The following ATP1A1 variants were observed in gnomAD, a reference collection of about 807,000 sequenced individuals.
The protein encoded by ATP1A1 is ATPase Na+/K+ transporting subunit alpha 1.
Under a neutral mutation model 114.8 loss-of-function variants are expected in ATP1A1, and 14 were observed. The ratio of observed to expected loss-of-function variants is 0.12; its 90% CI spans 0.08 to 0.19. The LOEUF is 0.19. Ranked by LOEUF, ATP1A1 falls within the 10% of genes least tolerant of loss-of-function variation. The pLI, the probability that ATP1A1 is intolerant of heterozygous loss-of-function variation, is 1.00. For missense variants in ATP1A1, 524 were observed against 1,290.7 expected, an observed-to-expected ratio of 0.41 and a Z score of 9.10; for synonymous variants, 471 against 466.3, an observed-to-expected ratio of 1.01 and a Z score of -0.13.
At chr1:116,382,458 T>G (rs1159134639) in intron 1 of ATP1A1, 1 of 152,212 alleles carries the variant, frequency 6.6e-6, no homozygotes, top group East Asian at 1.9e-4. Context: ...TGCTCCATAA[T>G]GGAGAGAATG....
chr1:116,382,232 T>C (rs1443284291), intron 1 of ATP1A1, among the ~76,000 whole-genome samples: 1 of 152,156 alleles, frequency 6.6e-6, no homozygotes, highest in Non-Finnish European at 1.5e-5. Flanking sequence ...CCTTAGTCAA[T>C]GTCTTTAAAA....
chr1:116,394,285 A>G (rs1347897058), intron 12 of ATP1A1, among the ~76,000 whole-genome samples: 1 of 152,168 alleles, frequency 6.6e-6, no homozygotes, highest in Non-Finnish European at 1.5e-5. Flanking sequence ...TGTCTAATGT[A>G]TTTGGGAAAG....
chr1:116,374,556 C>T lies in ATP1A1; in HGVS notation c.12+1033C>T, dbSNP rs917492814. 9.8e-5 allele frequency among the ~76,000 whole-genome samples: 15 copies of T among 152,328 alleles called. No individual in the cohort carries two copies. The South Asian group carries it at 2.9e-3, about 29-fold the overall frequency. ...GCGGAGCGTGGTGGGAATATCGTCA[C>T]AACGCCGCTGTCCTACATTTCTGTA... On this transcript the variant is annotated intron_variant, in intron 1 of 22. Coordinates refer to ENST00000295598, the MANE Select transcript of ATP1A1 (RefSeq NM_000701.8).
Position 116,396,679 on chromosome 1 carries a change from A to C in ATP1A1, c.1918A>C (p.Thr640Pro), listed in dbSNP as rs1570970680. Residue 640 changes from threonine to proline, a missense_variant, in exon 14 of 23, where the codon ACC becomes CCC. Around this residue, in one of 8 missense-constraint regions of ATP1A1, gnomAD observed 47 missense variants for 79.8 expected, o/e 0.59. Transcript: ENST00000295598. ...GVGIISEGNE[T>P]VEDIAARLNI... ...GGGCATCATCTCAGAAGGCAATGAG[A>C]CCGTGGAAGACATTGCTGCCCGCCT... is the stretch of plus-strand genomic sequence containing the variant. The C allele has an allele frequency of 6.2e-7, 1 of 1,606,736 alleles. No individual in the cohort carries two copies. Among genetic ancestry groups the C allele is most frequent in the Non-Finnish European group, 8.5e-7 (1 of 1,175,956 alleles).
chr1:116,373,840 C>T, intron 1 of ATP1A1: 4 of 1,243,624 alleles, frequency 3.2e-6, no homozygotes, highest in Non-Finnish European at 4.0e-6. Flanking sequence ...GCTTGGGAAG[C>T]CTCGGGGCCG....
rs1435339962 is a variant in ATP1A1, at chr1:116,388,447, G to A, written c.502-191G>A. 1 of 962,098 alleles carries A rather than the reference G, an allele frequency of 1.0e-6. No homozygotes were observed. The highest frequency in any genetic ancestry group is 1.5e-6 in the Non-Finnish European group (1 of 660,890). The allele number at this position is 962,098 out of a possible 1,614,324, so 59.6% of individuals were successfully genotyped here. On this transcript the variant is annotated intron_variant, in intron 5 of 22. Transcript: ENST00000295598. The surrounding 1 kb of genome is among the most constrained non-coding windows in gnomAD (Gnocchi z 5.6). ...CTTTTGAATGTAAACTCTGAATACA[G>A]GCACACCATGTAACAGCAATATCTC...
rs1653055439 is a variant in ATP1A1, at chr1:116,397,778, CTTTGT to C, written c.1974-102_1974-98del. The C allele has an allele frequency of 1.1e-5, 15 of 1,364,754 alleles. No homozygotes were observed. The Middle Eastern group carries it at 2.3e-3, about 206-fold the overall frequency. The allele number at this position is 1,364,754 out of a possible 1,614,324, so 84.5% of individuals were successfully genotyped here. A position where few individuals can be genotyped will look rare whatever the true frequency, so the allele number is the denominator to read the frequency against. On this transcript the variant is annotated intron_variant, in intron 14 of 22. Transcript: ENST00000295598. The surrounding 1 kb of genome is among the most constrained non-coding windows in gnomAD (Gnocchi z 4.2). Reference sequence around the variant, plus strand: ...TTTTATGTGCTGGGGAAAATTCCTTCTTTGTTTTGTTTACAAAGTGATCTGCATAA... The same window carrying C: ...TTTTATGTGCTGGGGAAAATTCCTTCTTTGTTTACAAAGTGATCTGCATAA...
chr1:116,390,536 G>GTTTTTTTTT (rs79640523), intron 9 of ATP1A1, 125 bp downstream of exon 9: 2 of 694,512 alleles, frequency 2.9e-6, no homozygotes, highest in African/African-American at 2.1e-5. Flanking sequence ...TTTCTTTTTT[G>GTTTTTTTTT]TTTTTTTTTT....
Position 116,401,538 on chromosome 1 carries a change from C to T in ATP1A1, c.2850-16C>T. The T allele has an allele frequency of 6.2e-7, 1 of 1,612,876 alleles. No individual in the cohort carries two copies. ...TTTGCACCTTTTAAGTTTTTTCTCC[C>T]CTACTTTGATTTTAGGAACAAGATC... On this transcript the variant is annotated splice_polypyrimidine_tract_variant and intron_variant, in intron 20 of 22. Coordinates refer to ENST00000295598, the MANE Select transcript of ATP1A1 (RefSeq NM_000701.8). This position sits in a 1 kb window ranked among gnomAD's most constrained non-coding sequence, Gnocchi z 4.7.
Position 116,388,502 on chromosome 1 carries a change from G to A in ATP1A1, c.502-136G>A. ...ACTGGCGAGCAAGCTTTTGTAACTT[G>A]TGTAAATAAAAAAGTGAATAATATC... is the stretch of plus-strand genomic sequence containing the variant. On this transcript the variant is annotated intron_variant, in intron 5 of 22. Coordinates refer to ENST00000295598, the MANE Select transcript of ATP1A1 (RefSeq NM_000701.8). The surrounding 1 kb of genome is among the most constrained non-coding windows in gnomAD (Gnocchi z 5.6). The A allele has an allele frequency of 1.6e-6, 2 of 1,274,958 alleles. No individual in the cohort carries two copies. Among genetic ancestry groups the A allele is most frequent in the South Asian group, 1.5e-5 (1 of 66,098 alleles). 79.0% of individuals were successfully genotyped at this position (1,274,958 alleles called of 1,614,324 possible).
intron 21 of ATP1A1, among the ~76,000 whole-genome samples, chr1:116,402,825 C>T (rs1471395392): frequency 1.3e-5 from 2 of 152,216 alleles, no homozygotes; most frequent in Non-Finnish European, 2.9e-5. Flanking sequence ...TCTGGCATTA[C>T]TTGTTGCTTG....
In ATP1A1 at chr1:116,385,023, G is replaced by A. The variant is rs1238987372; in HGVS notation, c.183+181G>A. The stretch of plus-strand genomic sequence containing the variant: ...TTATATGCTACCGTTTCTTTTCCCT[G>A]AAACTTTTTGAAAGTAGATGTTATT... On this transcript the variant is annotated intron_variant, in intron 3 of 22. Coordinates refer to ENST00000295598, the MANE Select transcript of ATP1A1 (RefSeq NM_000701.8). The surrounding 1 kb of genome is among the most constrained non-coding windows in gnomAD (Gnocchi z 4.3). The A allele has an allele frequency of 1.7e-6, 1 of 599,880 alleles. No homozygotes were observed. The highest frequency in any genetic ancestry group is 2.9e-6 in the Non-Finnish European group (1 of 343,248). 37.2% of individuals were successfully genotyped at this position (599,880 alleles called of 1,614,324 possible). A position where few individuals can be genotyped will look rare whatever the true frequency, so the allele number is the denominator to read the frequency against.
Position 116,384,234 on chromosome 1 carries a change from A to C in ATP1A1, c.123+110A>C. The C allele has an allele frequency of 1.0e-5, 9 of 858,262 alleles. No individual in the cohort carries two copies. The highest frequency in any genetic ancestry group is 1.6e-5 in the Non-Finnish European group (9 of 549,046). The allele number at this position is 858,262 out of a possible 1,614,324, so 53.2% of individuals were successfully genotyped here. On this transcript the variant is annotated intron_variant, in intron 2 of 22. Transcript: ENST00000295598. The surrounding 1 kb of genome is among the most constrained non-coding windows in gnomAD (Gnocchi z 5.1). The stretch of plus-strand genomic sequence containing the variant: ...GAACTGCTATATATTAAAAGAGATC[A>C]TAGCAGCTGTACAGATCTCATCTAG...
rs1235600349 is a variant in ATP1A1 at position 116,397,767 on chromosome 1, G to C, written c.1974-121G>C. ...CACTTAATAGCTTTTATGTGCTGGG[G>C]AAAATTCCTTCTTTGTTTTGTTTAC... is the stretch of plus-strand genomic sequence containing the variant. On this transcript the variant is annotated intron_variant, in intron 14 of 22. Coordinates refer to ENST00000295598, the MANE Select transcript of ATP1A1 (RefSeq NM_000701.8). The surrounding 1 kb of genome is among the most constrained non-coding windows in gnomAD (Gnocchi z 4.2). 4.7e-6 allele frequency: 6 copies of C among 1,273,016 alleles called. No homozygotes were observed. The highest frequency in any genetic ancestry group is 1.5e-5 in the South Asian group (1 of 67,970). 78.9% of individuals were successfully genotyped at this position (1,273,016 alleles called of 1,614,324 possible). A position where few individuals can be genotyped will look rare whatever the true frequency, so the allele number is the denominator to read the frequency against.
intron 1 of ATP1A1, among the ~76,000 whole-genome samples, chr1:116,378,168 A>G (rs185912176): frequency 1.3e-3 from 192 of 152,312 alleles, no homozygotes; most frequent in African/African-American, 4.3e-3. Flanking sequence ...TTCTGTTACG[A>G]AAGAAGTACC....
Position 116,381,395 on chromosome 1 carries a change from G to A in ATP1A1, c.13-2619G>A, listed in dbSNP as rs1474226219. On this transcript the variant is annotated intron_variant, in intron 1 of 22. Coordinates refer to ENST00000295598, the MANE Select transcript of ATP1A1 (RefSeq NM_000701.8). This position sits in a 1 kb window ranked among gnomAD's most constrained non-coding sequence, Gnocchi z 5.1. The stretch of plus-strand genomic sequence containing the variant: ...GGATATTTGGTTCCCACAAGAATAA[G>A]CTAATATTAAGTTATTATTTTACTT... Among the ~76,000 whole-genome samples the A allele has an allele frequency of 6.6e-6, 1 of 152,168 alleles. No homozygotes were observed. The highest frequency in any genetic ancestry group is 1.5e-5 in the Non-Finnish European group (1 of 68,032).
Position 116,404,342 on chromosome 1 carries a change from C to G in ATP1A1, c.3044-74C>G. On this transcript the variant is annotated intron_variant, in intron 22 of 22. Transcript: ENST00000295598. The surrounding 1 kb of genome is among the most constrained non-coding windows in gnomAD (Gnocchi z 4.8). ...ATCATCCTCCGGTTGGTTTTCATCC[C>G]TGTTTCCCTCTGTAATGCTGGAGCG... is the stretch of plus-strand genomic sequence containing the variant. The G allele has an allele frequency of 6.3e-7, 1 of 1,597,636 alleles. No homozygotes were observed. Among genetic ancestry groups the G allele is most frequent in the Non-Finnish European group, 8.6e-7 (1 of 1,166,858 alleles).
rs1464542892 is a variant in ATP1A1 at position 116,397,025 on chromosome 1, T to G, written c.1973+291T>G. ...AGAGGCTTTTGAAGTACCTCAGAAC[T>G]GGTGAAATCATGCAGTAAATTCAGC... On this transcript the variant is annotated intron_variant, in intron 14 of 22. Transcript: ENST00000295598. This position sits in a 1 kb window ranked among gnomAD's most constrained non-coding sequence, Gnocchi z 4.2. 2.0e-5 allele frequency among the ~76,000 whole-genome samples: 3 copies of G among 152,216 alleles called. No individual in the cohort carries two copies. The highest frequency in any genetic ancestry group is 4.4e-5 in the Non-Finnish European group (3 of 68,044).
Position 116,404,674 on chromosome 1 carries a change from A to G in ATP1A1, c.*230A>G. The G allele has an allele frequency of 1.5e-6, 2 of 1,294,956 alleles. No homozygotes were observed. Among genetic ancestry groups the G allele is most frequent in the Non-Finnish European group, 1.9e-6 (2 of 1,026,650 alleles). The allele number at this position is 1,294,956 out of a possible 1,614,324, so 80.2% of individuals were successfully genotyped here. On this transcript the variant is annotated 3_prime_UTR_variant, in exon 23 of 23. Transcript: ENST00000295598. This position sits in a 1 kb window ranked among gnomAD's most constrained non-coding sequence, Gnocchi z 4.8. ...GGAAATGACAGCGGGGAAGGTTTTT[A>G]TGTGCCTTTTTGTTTTTGTAAAAAA...
Sources: gnomAD v4.1 joint callset for allele counts (sites outside exome capture counted in the v4.1 genomes callset) on GRCh38, gnomAD v4.1.1 for gene constraint, gnomAD v4.1.1 regional missense constraint, Gnocchi (gnomAD v3.1) non-coding constraint, MANE v1.5 for transcripts, NCBI Gene and HGNC (gene_info 2026-07-23, HGNC 2026-07-21) for gene names.